Variants in DISC1 observed in about 807,000 individuals in gnomAD.
DISC1 encodes the protein DISC1 scaffold protein.
A neutral mutation model predicts 84.5 loss-of-function variants in DISC1; 57 were observed. The ratio of observed to expected loss-of-function variants is 0.67; its 90% CI spans 0.55 to 0.84. The LOEUF (loss-of-function observed/expected upper bound fraction) is 0.84, where lower values mean the gene tolerates loss of function less well. Among genes scored for constraint, DISC1 ranks in the 40% least tolerant of loss-of-function variants. DISC1 has a pLI of 0.00. For synonymous variants in DISC1, 411 were observed against 415.2 expected, an observed-to-expected ratio of 0.99 and a Z score of 0.12; for missense variants, 1,000 against 1,057.8, an observed-to-expected ratio of 0.95 and a Z score of 0.76.
intron 1 of DISC1, among the ~76,000 whole-genome samples, chr1:231,651,948 C>T (rs757940230): frequency 2.8e-4 from 43 of 152,330 alleles, no homozygotes; most frequent in Non-Finnish European, 4.0e-4. Flanking sequence ...ATTGGAAAAA[C>T]GCAGTATTTG....
chr1:231,962,784 A>C (rs1660559894), intron 10 of DISC1, among the ~76,000 whole-genome samples: 1 of 152,144 alleles, frequency 6.6e-6, no homozygotes. Context: ...CTCTCCCTCC[A>C]TGTCAGCTCC....
chr1:231,860,751 T>A (rs1247252407), intron 9 of DISC1, among the ~76,000 whole-genome samples: 4 of 152,218 alleles, frequency 2.6e-5, no homozygotes, highest in African/African-American at 9.6e-5. Flanking sequence ...TTTTGTTATC[T>A]TTTTGCACTT....
chr1:231,850,250 A>G (rs1484256077), intron 9 of DISC1, among the ~76,000 whole-genome samples: 1 of 152,184 alleles, frequency 6.6e-6, no homozygotes, highest in Non-Finnish European at 1.5e-5. Flanking sequence ...TTGTGTCCCC[A>G]TTGGCATTAC....
At position 231,980,835 on chromosome 1, in the gene DISC1, G is replaced by T. The variant is rs1192007217; in HGVS notation, c.2042+21947G>T. Among the ~76,000 whole-genome samples the T allele has an allele frequency of 2.6e-5, 4 of 152,276 alleles. No individual in the cohort carries two copies. The South Asian group carries it at 6.2e-4, about 24-fold the overall frequency. The stretch of plus-strand genomic sequence containing the variant: ...TCCTTTTTTTGAGGGGTGGAAGTGT[G>T]AGGAAACATGGAGATCTTCTCAACC... On this transcript the variant is annotated intron_variant, in intron 10 of 12. Coordinates refer to ENST00000439617, the MANE Select transcript of DISC1 (RefSeq NM_018662.3).
intron 11 of DISC1, among the ~76,000 whole-genome samples, chr1:232,014,839 A>G (rs1182479673): frequency 6.6e-6 from 1 of 152,210 alleles, no homozygotes; most frequent in Non-Finnish European, 1.5e-5. Context: ...ATGTTATTGA[A>G]TCTTTCCAAG....
chr1:231,974,624 G>A (rs915211083), intron 10 of DISC1, among the ~76,000 whole-genome samples: 3 of 152,210 alleles, frequency 2.0e-5, no homozygotes, highest in Non-Finnish European at 4.4e-5. Flanking sequence ...TTAGCAGAAG[G>A]GCGGAAGCAT....
chr1:231,966,089 G>T (rs1558789369), intron 10 of DISC1, among the ~76,000 whole-genome samples: 1 of 152,176 alleles, frequency 6.6e-6, no homozygotes, highest in Non-Finnish European at 1.5e-5. Context: ...AGAATGAATG[G>T]ATAAATCGCA....
intron 8 of DISC1, among the ~76,000 whole-genome samples, chr1:231,808,245 T>G (rs1470116581): frequency 6.6e-6 from 1 of 152,202 alleles, no homozygotes; most frequent in African/African-American, 2.4e-5. Flanking sequence ...GGTTTTAATG[T>G]CCTGTGAGGG....
chr1:231,702,575 C>T, intron 3 of DISC1: 1 of 985,008 alleles, frequency 1.0e-6, no homozygotes, highest in African/African-American at 1.8e-5. Flanking sequence ...CTAAAATACC[C>T]AAGAGAAAAA....
intron 9 of DISC1, among the ~76,000 whole-genome samples, chr1:231,905,761 T>C (rs1288461998): frequency 6.6e-6 from 1 of 152,096 alleles, no homozygotes; most frequent in Non-Finnish European, 1.5e-5. Flanking sequence ...TATCAGGACA[T>C]TTGGCAACAT....
At chr1:231,757,082 G>C (rs2075219546) in intron 4 of DISC1, among the ~76,000 whole-genome samples, 1 of 152,092 alleles carries the variant, frequency 6.6e-6, no homozygotes, top group Admixed American at 6.6e-5. Context: ...TGAATGAGTG[G>C]TGCTTTTCCT....
At chr1:231,895,165 A>G (rs2126013414) in intron 9 of DISC1, among the ~76,000 whole-genome samples, 1 of 147,418 alleles carries the variant, frequency 6.8e-6, no homozygotes, top group Non-Finnish European at 1.5e-5. Context: ...CTCTTTTTTG[A>G]ATTATTGTTA....
chr1:231,646,336 T>A (rs1411762577), intron 1 of DISC1, among the ~76,000 whole-genome samples: 3 of 151,608 alleles, frequency 2.0e-5, no homozygotes, highest in African/African-American at 2.4e-5. Flanking sequence ...CATGAACTCA[T>A]CCTTTTTTAT....
chr1:231,737,428 C>G (rs1179979417), intron 3 of DISC1, among the ~76,000 whole-genome samples: 2 of 152,236 alleles, frequency 1.3e-5, no homozygotes, highest in Non-Finnish European at 2.9e-5. Context: ...GTACACTTGT[C>G]AGCATGCTGG....
At chr1:231,652,500 C>T (rs926837407) in intron 1 of DISC1, among the ~76,000 whole-genome samples, 1 of 152,140 alleles carries the variant, frequency 6.6e-6, no homozygotes, top group African/African-American at 2.4e-5. Context: ...ACATTTACTG[C>T]TCAAACATAG....
chr1:231,969,466 A>G (rs111686022), intron 10 of DISC1, among the ~76,000 whole-genome samples: 19 of 151,810 alleles, frequency 1.3e-4, no homozygotes, highest in African/African-American at 4.6e-4. Flanking sequence ...ATTTCCCATC[A>G]CTTCTGAGAT....
At chr1:231,709,984 T>C (rs1057015645) in intron 3 of DISC1, among the ~76,000 whole-genome samples, 28 of 152,254 alleles carry the variant, frequency 1.8e-4, no homozygotes, top group African/African-American at 6.5e-4. Flanking sequence ...TGCCTGGGAT[T>C]CCAGGTAGGT....
Position 231,634,033 on chromosome 1 carries a change from C to T in DISC1, c.67+7099C>T, listed in dbSNP as rs142125839. Among the ~76,000 whole-genome samples the T allele has an allele frequency of 6.8e-3, 1,033 of 151,900 alleles. 21 individuals carry two copies. Among genetic ancestry groups the T allele is most frequent in the African/African-American group, 0.024 (983 of 41,464 alleles). On this transcript the variant is annotated intron_variant, in intron 1 of 12. Coordinates refer to ENST00000439617, the MANE Select transcript of DISC1 (RefSeq NM_018662.3). ...CAAGTACCTGGGATTACAGGCATGC[C>T]CCACCACGTGCAGCTAATTTTTGTA...
At chr1:231,811,983 T>C (rs986569774) in intron 8 of DISC1, among the ~76,000 whole-genome samples, 2 of 152,136 alleles carry the variant, frequency 1.3e-5, no homozygotes, top group African/African-American at 4.8e-5. Flanking sequence ...GTCTCTAAAA[T>C]TGGATTCTCA....
Sources: gnomAD v4.1 joint callset for allele counts (sites outside exome capture counted in the v4.1 genomes callset) on GRCh38, gnomAD v4.1.1 for gene constraint, MANE v1.5 for transcripts, NCBI Gene and HGNC (gene_info 2026-07-23, HGNC 2026-07-21) for gene names.